The following KIAA1549L variants were observed in gnomAD, a reference collection of about 807,000 sequenced individuals.
KIAA1549L encodes the protein KIAA1549 like.
In KIAA1549L, 88 loss-of-function variants were observed where a neutral mutation model predicts 160.7. The ratio of observed to expected loss-of-function variants is 0.55; its 90% CI spans 0.46 to 0.65. The LOEUF (loss-of-function observed/expected upper bound fraction) is 0.65, where lower values mean the gene tolerates loss of function less well. KIAA1549L is among the 30% of genes least tolerant of loss of function. The probability of loss-of-function intolerance (pLI) is 0.00; values close to 1 mark genes in which losing one functional copy is unlikely to be tolerated. For missense variants in KIAA1549L, 2,258 were observed against 2,437.5 expected, an observed-to-expected ratio of 0.93 and a Z score of 1.55; for synonymous variants, 950 against 976.7, an observed-to-expected ratio of 0.97 and a Z score of 0.51.
chr11:33,422,056 A>G (rs530103986), intron 1 of KIAA1549L, among the ~76,000 whole-genome samples: 1 of 152,108 alleles, frequency 6.6e-6, no homozygotes, highest in South Asian at 2.1e-4. Flanking sequence ...TGTTTGTGCT[A>G]TCCCTCCCCC....
At chr11:33,571,181 G>C (rs533753681) in intron 9 of KIAA1549L, among the ~76,000 whole-genome samples, 3 of 152,324 alleles carry the variant, frequency 2.0e-5, no homozygotes, top group Non-Finnish European at 4.4e-5. Context: ...TACTCGGGAG[G>C]CTGAAGCAGG....
chr11:33,419,568 G>A (rs148201078), intron 1 of KIAA1549L, among the ~76,000 whole-genome samples: 3 of 151,942 alleles, frequency 2.0e-5, no homozygotes, highest in Admixed American at 1.3e-4. Context: ...AATATGGGTC[G>A]AGTACAGTGG....
chr11:33,482,803 C>T (rs1052414083), intron 1 of KIAA1549L, among the ~76,000 whole-genome samples: 1 of 151,984 alleles, frequency 6.6e-6, no homozygotes, highest in Admixed American at 6.6e-5. Context: ...CTCCTGACTT[C>T]AAGTTATCCA....
intron 4 of KIAA1549L, 34 bp from the exon 5 acceptor site, chr11:33,551,006 A>G: frequency 6.4e-7 from 1 of 1,573,018 alleles, no homozygotes; most frequent in Non-Finnish European, 8.8e-7. Flanking sequence ...TGTGGAAATA[A>G]ACAATGGGTT....
Position 33,668,792 on chromosome 11 carries a change from G to A in KIAA1549L, c.*638G>A, listed in dbSNP as rs1360969421. 1 of 152,300 alleles carries A rather than the reference G, an allele frequency of 6.6e-6. No homozygotes were observed. The highest frequency in any genetic ancestry group is 1.9e-4 in the East Asian group (1 of 5,192). The allele number at this position is 152,300 out of a possible 1,614,324, so 9.4% of individuals were successfully genotyped here. On this transcript the variant is annotated 3_prime_UTR_variant, in exon 21 of 21. Transcript: ENST00000658780. ...TGTTTCCCTCGTCAATTAAACAAAG[G>A]CCAAGAAAGAGAGAAGATGAGAGGG...
intron 3 of KIAA1549L, among the ~76,000 whole-genome samples, chr11:33,546,427 G>GC (rs201265466): frequency 0.011 from 1,597 of 151,888 alleles, 15 homozygotes; most frequent in Non-Finnish European, 0.016. Context: ...CTTCTTCCCA[G>GC]CCCCCCCACC....
intron 20 of KIAA1549L, among the ~76,000 whole-genome samples, chr11:33,666,739 A>G (rs1852468725): frequency 6.6e-6 from 1 of 152,224 alleles, no homozygotes; most frequent in African/African-American, 2.4e-5. Context: ...TCAAGAAACT[A>G]AAATCATATC....
chr11:33,440,120 CTTTTTTTTTTTTTTTTTT>C (rs201551936), intron 1 of KIAA1549L, among the ~76,000 whole-genome samples: 1 of 83,424 alleles, frequency 1.2e-5, no homozygotes, highest in South Asian at 4.7e-4. Context: ...TATTTTGTTT[CTTTTTTTTTTTTTTTTTT>C]TTTTTTTTTG....
At chr11:33,656,765 A>G (rs1564944793) in intron 18 of KIAA1549L, among the ~76,000 whole-genome samples, 1 of 152,054 alleles carries the variant, frequency 6.6e-6, no homozygotes, top group Non-Finnish European at 1.5e-5. Flanking sequence ...TCTGTGAACC[A>G]TGGGTCTGGG....
intron 10 of KIAA1549L, among the ~76,000 whole-genome samples, chr11:33,576,868 G>C (rs112382295): frequency 0.016 from 2,483 of 152,252 alleles, 20 homozygotes; most frequent in South Asian, 0.025. Flanking sequence ...GGTTGTAGAC[G>C]TGTTAGGTGT....
At chr11:33,630,894 A>G (rs7121042) in intron 16 of KIAA1549L, among the ~76,000 whole-genome samples, 5,158 of 152,318 alleles carry the variant, frequency 0.034, 210 homozygotes, top group East Asian at 0.19. Context: ...GCTTTGTATG[A>G]GATTCCACTG....
chr11:33,546,237 A>G (rs560851288), intron 3 of KIAA1549L, among the ~76,000 whole-genome samples: 4 of 152,324 alleles, frequency 2.6e-5, no homozygotes, highest in Admixed American at 2.6e-4. Flanking sequence ...GACATATCCT[A>G]TTCTAAAATG....
intron 1 of KIAA1549L, among the ~76,000 whole-genome samples, chr11:33,522,913 AT>A (rs2133129646): frequency 6.6e-6 from 1 of 151,744 alleles, no homozygotes; most frequent in East Asian, 1.9e-4. Context: ...AAAAAAAAAA[AT>A]ATGGTCTTTA....
intron 1 of KIAA1549L, among the ~76,000 whole-genome samples, chr11:33,453,471 C>T (rs772931026): frequency 3.3e-5 from 5 of 152,112 alleles, no homozygotes; most frequent in Admixed American, 6.5e-5. Flanking sequence ...GATAGGACTG[C>T]GTTATCTAAG....
intron 1 of KIAA1549L, among the ~76,000 whole-genome samples, chr11:33,490,892 G>A (rs1227713895): frequency 6.6e-6 from 1 of 152,206 alleles, no homozygotes; most frequent in Non-Finnish European, 1.5e-5. Context: ...AAGACAACAG[G>A]TAATGCCCAC....
Position 33,568,195 on chromosome 11 carries a change from C to A in KIAA1549L, c.4198C>A (p.Arg1400=), listed in dbSNP as rs747515119. The stretch of plus-strand genomic sequence containing the variant: ...CCAGCAACAAGGCCGGCGGTTTAAA[C>A]GGGCCACCACCCTGGGAAGCTACAC... The part of the protein sequence containing the change: ...MSQQQGRRFK[R]ATTLGSYTVQ... Residue 1400 remains arginine (R), a synonymous_variant, in exon 9 of 21, where the codon CGG becomes AGG. Coordinates refer to ENST00000658780, the MANE Select transcript of KIAA1549L (RefSeq NM_012194.3). 2.5e-6 allele frequency: 4 copies of A among 1,613,548 alleles called. No individual in the cohort carries two copies. Among genetic ancestry groups the A allele is most frequent in the Non-Finnish European group, 3.4e-6 (4 of 1,179,736 alleles).
At chr11:33,533,127 A>C (rs1853812587) in intron 1 of KIAA1549L, among the ~76,000 whole-genome samples, 1 of 152,208 alleles carries the variant, frequency 6.6e-6, no homozygotes, top group Admixed American at 6.5e-5. Flanking sequence ...AGGTAACAGC[A>C]GAAGGGGAGC....
At chr11:33,568,266 G>A in intron 9 of KIAA1549L, 39 bp downstream of exon 9, 1 of 1,560,550 alleles carries the variant, frequency 6.4e-7, no homozygotes, top group Non-Finnish European at 8.7e-7. Context: ...TCTAATAACT[G>A]GGGGTAGAGG....
chr11:33,563,091 C>G (rs2133222831), intron 8 of KIAA1549L, among the ~76,000 whole-genome samples: 1 of 152,018 alleles, frequency 6.6e-6, no homozygotes, highest in African/African-American at 2.4e-5. Flanking sequence ...GGTGTGATGG[C>G]TCACCCCTGT....
Sources: allele counts gnomAD v4.1 joint callset (sites outside exome capture counted in the v4.1 genomes callset), GRCh38; gene constraint gnomAD v4.1.1; transcripts MANE v1.5; gene names NCBI Gene and HGNC (gene_info 2026-07-23, HGNC 2026-07-21).